The following INIP variants were observed in gnomAD, a reference collection of about 807,000 sequenced individuals.
INIP encodes the protein SOSS complex subunit C.
A neutral mutation model predicts 14.0 loss-of-function variants in INIP; 9 were observed. The observed-to-expected ratio is 0.64, with a 90% CI of 0.39 to 1.12. The LOEUF is 1.12. Among genes scored for constraint, INIP ranks in the 50% most tolerant of loss-of-function variants. The pLI is 0.01. For missense variants in INIP, 78 were observed against 122.7 expected, an observed-to-expected ratio of 0.64 and a Z score of 1.72; for synonymous variants, 37 against 41.5, an observed-to-expected ratio of 0.89 and a Z score of 0.41.
chr9:112,695,034 T>C (rs1349992335), intron 2 of INIP, among the ~76,000 whole-genome samples: 2 of 152,194 alleles, frequency 1.3e-5, no homozygotes, highest in Non-Finnish European at 2.9e-5. Context: ...GATTCCTAGC[T>C]TCTCTTGAAA....
At chr9:112,691,876 G>A (rs1837897944) in intron 3 of INIP, among the ~76,000 whole-genome samples, 1 of 152,150 alleles carries the variant, frequency 6.6e-6, no homozygotes, top group African/African-American at 2.4e-5. Context: ...TGGGTGTGGT[G>A]GGGTACGCCT....
intron 2 of INIP, chr9:112,702,027 G>C (rs1838314897): frequency 6.6e-6 from 1 of 151,910 alleles, no homozygotes. Flanking sequence ...CTGTGCCACT[G>C]CACTACAGCC....
At chr9:112,692,910 G>A (rs1217375266) in intron 3 of INIP, among the ~76,000 whole-genome samples, 1 of 150,996 alleles carries the variant, frequency 6.6e-6, no homozygotes, top group Non-Finnish European at 1.5e-5. Flanking sequence ...GTATGGTAGG[G>A]TGCACCTGTA....
chr9:112,716,640 T>A, intron 1 of INIP, 99 bp from the exon 2 acceptor site: 1 of 659,620 alleles, frequency 1.5e-6, no homozygotes, highest in Admixed American at 2.3e-5. Flanking sequence ...TGCTGTTTCT[T>A]AATCTCTTCA....
rs77807917 is a variant in INIP at position 112,705,988 on chromosome 9, G to C, written c.25+10473C>G. Among the ~76,000 whole-genome samples, 1,306 of 152,324 alleles carry C rather than the reference G, an allele frequency of 8.6e-3. 29 individuals are homozygous for C. The highest frequency in any genetic ancestry group is 0.03 in the African/African-American group (1,241 of 41,564). ...GGTTACGAACACCCTCTGGTGGTAA[G>C]AGAGAATAGATTACAGGGTAGAAGA... On this transcript the variant is annotated intron_variant, in intron 2 of 4. Transcript: ENST00000374242.
intron 2 of INIP, among the ~76,000 whole-genome samples, chr9:112,703,723 T>C (rs1159760386): frequency 6.6e-6 from 1 of 152,176 alleles, no homozygotes; most frequent in East Asian, 1.9e-4. Context: ...ATTACAGGCG[T>C]GAGCCACTGT....
chr9:112,698,105 C>T (rs1838155991), intron 2 of INIP, among the ~76,000 whole-genome samples: 1 of 151,902 alleles, frequency 6.6e-6, no homozygotes, highest in African/African-American at 2.4e-5. Context: ...GAGATTGAGG[C>T]CACCCTGGCC....
Position 112,716,517 on chromosome 9 carries a change from C to T in INIP, c.-32G>A, listed in dbSNP as rs1838823220. ...ATTTTGTTTCAAGTATGTCCAGTGG[C>T]AATTGGTCAGCACTTCACAATCACC... is the stretch of plus-strand genomic sequence containing the variant. On this transcript the variant is annotated 5_prime_UTR_variant, in exon 2 of 5. Transcript: ENST00000374242. 1 of 1,609,446 alleles carries T rather than the reference C, an allele frequency of 6.2e-7. No individual in the cohort carries two copies.
In INIP at chr9:112,716,532, T is replaced by TCA. The variant is rs1338662069; in HGVS notation, c.-49_-48dup. 6.4e-7 allele frequency: 1 copy of TCA among 1,571,174 alleles called. No individual in the cohort carries two copies. The highest frequency in any genetic ancestry group is 1.1e-5 in the South Asian group (1 of 90,132). On this transcript the variant is annotated 5_prime_UTR_variant, in exon 2 of 5. Transcript: ENST00000374242. Reference sequence around the variant, plus strand: ...TGTCCAGTGGCAATTGGTCAGCACTTCACAATCACCTATAAAATATGTGTA... The same window carrying TCA: ...TGTCCAGTGGCAATTGGTCAGCACTTCACACAATCACCTATAAAATATGTGTA...
At chr9:112,708,637 T>C (rs1238253911) in intron 2 of INIP, among the ~76,000 whole-genome samples, 1 of 152,180 alleles carries the variant, frequency 6.6e-6, no homozygotes, top group Non-Finnish European at 1.5e-5. Flanking sequence ...TATTTTCTTA[T>C]GGATCTATAG....
At chr9:112,702,413 A>AG (rs1838327197) in intron 2 of INIP, among the ~76,000 whole-genome samples, 1 of 152,176 alleles carries the variant, frequency 6.6e-6, no homozygotes. Context: ...TCTATAAATT[A>AG]TTTTTTAAAG....
In INIP at chr9:112,705,110, CAAAAAAAA is replaced by C. The variant is rs1194911436; in HGVS notation, c.26-10885_26-10878del. Reference sequence around the variant, plus strand: ...TGGGTAACAGAGTGAGACCCTGTCTCAAAAAAAAAAAAAAAAAAAAAAAAGTATAGAAT... The same window carrying C: ...TGGGTAACAGAGTGAGACCCTGTCTCAAAAAAAAAAAAAAAAGTATAGAAT... On this transcript the variant is annotated intron_variant, in intron 2 of 4. Coordinates refer to ENST00000374242, the MANE Select transcript of INIP (RefSeq NM_021218.3). Among the ~76,000 whole-genome samples the C allele has an allele frequency of 2.8e-4, 13 of 46,036 alleles. No homozygotes were observed. The Admixed American group carries it at 2.8e-3, about 10-fold the overall frequency. 30.2% of individuals were successfully genotyped at this position (46,036 alleles called of 152,430 possible). A position where few individuals can be genotyped will look rare whatever the true frequency, so the allele number is the denominator to read the frequency against.
intron 4 of INIP, among the ~76,000 whole-genome samples, chr9:112,688,073 G>A (rs45498792): frequency 0.068 from 10,055 of 148,584 alleles, 436 homozygotes; most frequent in Non-Finnish European, 0.096. Flanking sequence ...GCGACAGAGC[G>A]AGACTCCATC....
chr9:112,704,117 C>T (rs941673104), intron 2 of INIP, among the ~76,000 whole-genome samples: 7 of 151,892 alleles, frequency 4.6e-5, no homozygotes, highest in African/African-American at 7.3e-5. Context: ...GAATTGTGTG[C>T]GACTAAGCCA....
At chr9:112,693,951 T>C (rs1837982973) in intron 3 of INIP, 180 bp downstream of exon 3, 2 of 384,082 alleles carry the variant, frequency 5.2e-6, no homozygotes, top group Non-Finnish European at 9.3e-6. Context: ...GGCAGGTGCC[T>C]GTAATCCCAG....
intron 1 of INIP, among the ~76,000 whole-genome samples, chr9:112,716,962 CAA>C (rs553313367): frequency 3.5e-4 from 27 of 77,982 alleles, no homozygotes; most frequent in South Asian, 4.0e-4. Flanking sequence ...GACTCGGTCT[CAA>C]AAAAAAAAAA....
intron 2 of INIP, among the ~76,000 whole-genome samples, chr9:112,706,796 G>C (rs1027704685): frequency 6.6e-6 from 1 of 151,952 alleles, no homozygotes; most frequent in Admixed American, 6.6e-5. Context: ...ATAGAAACAG[G>C]GTTCTTGCTG....
In INIP at chr9:112,685,262, T is replaced by TA. The variant is rs1482979520; in HGVS notation, c.*2275dup. Reference sequence around the variant, plus strand: ...CTAGCCAATCTTTTTTTTTTTTTTTTAATTTTTTAGTAGAGACAGGGGTCT... The same window carrying TA: ...CTAGCCAATCTTTTTTTTTTTTTTTTAAATTTTTTAGTAGAGACAGGGGTCT... On this transcript the variant is annotated 3_prime_UTR_variant, in exon 5 of 5. Coordinates refer to ENST00000374242, the MANE Select transcript of INIP (RefSeq NM_021218.3). 4.0e-5 allele frequency: 6 copies of TA among 151,292 alleles called. No homozygotes were observed. The highest frequency in any genetic ancestry group is 8.8e-5 in the Non-Finnish European group (6 of 67,872). The allele number at this position is 151,292 out of a possible 1,614,324, so 9.4% of individuals were successfully genotyped here. A position where few individuals can be genotyped will look rare whatever the true frequency, so the allele number is the denominator to read the frequency against.
rs1260182316 is a variant in INIP, at chr9:112,684,290, C to A, written c.*3248G>T. 6.6e-6 allele frequency: 1 copy of A among 151,940 alleles called. No individual in the cohort carries two copies. Among genetic ancestry groups the A allele is most frequent in the East Asian group, 1.9e-4 (1 of 5,178 alleles). 9.4% of individuals were successfully genotyped at this position (151,940 alleles called of 1,614,324 possible). The stretch of plus-strand genomic sequence containing the variant: ...GTGGCTCACACCTGTAATCTCAGCA[C>A]TTTAGGAGGCCAAGGTGGGAGGATC... On this transcript the variant is annotated 3_prime_UTR_variant, in exon 5 of 5. Coordinates refer to ENST00000374242, the MANE Select transcript of INIP (RefSeq NM_021218.3).
Sources: gnomAD v4.1 joint callset for allele counts (sites outside exome capture counted in the v4.1 genomes callset) on GRCh38, gnomAD v4.1.1 for gene constraint, MANE v1.5 for transcripts, NCBI Gene and HGNC (gene_info 2026-07-23, HGNC 2026-07-21) for gene names.